The following TENM2 variants were observed in gnomAD, a reference collection of about 807,000 sequenced individuals.
TENM2 encodes the protein teneurin-2.
In TENM2, 52 loss-of-function variants were observed where a neutral mutation model predicts 245.2. The observed-to-expected ratio is 0.21, with a 90% confidence interval of 0.17 to 0.27. The LOEUF is 0.27. Ranked by LOEUF, TENM2 falls within the 10% of genes least tolerant of loss-of-function variation. TENM2 has a pLI of 1.00. For synonymous variants in TENM2, 1,363 were observed against 1,438.9 expected (o/e 0.95, Z 1.19); for missense variants, 3,046 against 3,666.8 (o/e 0.83, Z 4.37).
In TENM2 at chr5:167,805,697, A is replaced by G. The variant is rs532384044; in HGVS notation, c.503-70289A>G. On this transcript the variant is annotated intron_variant, in intron 2 of 28. Coordinates refer to ENST00000518659, the Ensembl canonical transcript of TENM2. ...TTCGCTTAGCTCTGAGCAAATGGCT[A>G]TGAATTCCCTTGAAGTTTTGTGTTC... Among the ~76,000 whole-genome samples, 17 of 152,146 alleles carry G rather than the reference A, an allele frequency of 1.1e-4. 1 individual carries two copies. The highest frequency in any genetic ancestry group is 2.4e-4 in the Non-Finnish European group (16 of 68,008).
chr5:168,057,967 G>A (rs538408957), intron 6 of TENM2, among the ~76,000 whole-genome samples: 6 of 152,172 alleles, frequency 3.9e-5, no homozygotes, highest in Non-Finnish European at 7.4e-5. Flanking sequence ...TGCGAGCCTG[G>A]TTGCAAGCTG....
intron 1 of TENM2, among the ~76,000 whole-genome samples, chr5:167,325,602 A>G (rs1757031770): frequency 6.6e-6 from 1 of 152,260 alleles, no homozygotes; most frequent in Non-Finnish European, 1.5e-5. Context: ...CTTCCAGGTT[A>G]GAATTTAGAA....
chr5:168,248,860 C>T (rs1467462353), intron 27 of TENM2, among the ~76,000 whole-genome samples: 2 of 152,152 alleles, frequency 1.3e-5, no homozygotes, highest in African/African-American at 2.4e-5. Context: ...ATGCCACCCA[C>T]GTAATCCCAG....
In TENM2 at chr5:168,198,871, T is replaced by A; in HGVS notation, c.2919T>A (p.Asn973Lys). The A allele has an allele frequency of 2.5e-6, 4 of 1,613,842 alleles. No homozygotes were observed. The highest frequency in any genetic ancestry group is 2.5e-6 in the Non-Finnish European group (3 of 1,179,778). Residue 973 changes from asparagine (N) to lysine (K), a missense_variant, in exon 16 of 29, where the codon AAT (asparagine) becomes AAA (lysine). Physicochemically the swap from Asn to Lys is moderately conservative, Grantham distance 94. Coordinates refer to ENST00000518659, the Ensembl canonical transcript of TENM2. ...TCTCCAGGTTCGACCTGATCGCAAA[T>A]GGAGGTGCTTCCTTGACTCTACACT...
At chr5:168,142,104 C>T (rs532221988) in intron 12 of TENM2, among the ~76,000 whole-genome samples, 16 of 152,322 alleles carry the variant, frequency 1.1e-4, no homozygotes, top group African/African-American at 3.6e-4. Flanking sequence ...CATTCAAGCC[C>T]ACCAGGCTGA....
At chr5:167,146,197 T>A in the TENM2 span, among the ~76,000 whole-genome samples, 1 of 152,152 alleles carries the variant, frequency 6.6e-6, no homozygotes, top group Non-Finnish European at 1.5e-5. Context: ...ATGGGCTAAC[T>A]TGTCTTGTTA....
chr5:168,200,167 A>G (rs1166877498), intron 17 of TENM2, 36 bp downstream of exon 19: 1 of 1,585,892 alleles, frequency 6.3e-7, no homozygotes, highest in Non-Finnish European at 8.6e-7. Context: ...TGATCAATGG[A>G]TTTAGTCATG....
intron 2 of TENM2, among the ~76,000 whole-genome samples, chr5:167,432,241 A>G (rs1411361803): frequency 1.3e-5 from 2 of 151,666 alleles, no homozygotes; most frequent in African/African-American, 2.4e-5. Flanking sequence ...TTAAATCTGA[A>G]TTACCAGCAT....
chr5:167,090,180 A>G, the TENM2 span, among the ~76,000 whole-genome samples: 7 of 152,112 alleles, frequency 4.6e-5, no homozygotes, highest in Non-Finnish European at 7.4e-5. Flanking sequence ...TTCTTTAAAA[A>G]TTGGAGCTAC....
intron 2 of TENM2, among the ~76,000 whole-genome samples, chr5:167,864,734 G>C (rs952709046): frequency 1.3e-5 from 2 of 152,152 alleles, no homozygotes; most frequent in African/African-American, 4.8e-5. Flanking sequence ...CCCCTCTGCA[G>C]TTCACTTTCT....
At chr5:168,205,630 G>T (rs1430894969) in intron 19 of TENM2, among the ~76,000 whole-genome samples, 1 of 152,076 alleles carries the variant, frequency 6.6e-6, no homozygotes, top group Non-Finnish European at 1.5e-5. Context: ...AAGAGAAGTT[G>T]TTCAAAAGCC....
chr5:168,228,380 C>T (rs1375403219), intron 25 of TENM2, among the ~76,000 whole-genome samples: 1 of 152,218 alleles, frequency 6.6e-6, no homozygotes, highest in Non-Finnish European at 1.5e-5. Context: ...TTCTCCATTT[C>T]CATTTCCTAG....
intron 25 of TENM2, among the ~76,000 whole-genome samples, chr5:168,232,583 T>TCC: frequency 6.6e-6 from 1 of 152,264 alleles, no homozygotes; most frequent in Non-Finnish European, 1.5e-5. Context: ...AGCCTGAACG[T>TCC]CCCCGGGACT....
chr5:167,891,827 GT>G (rs1191942214), intron 3 of TENM2, among the ~76,000 whole-genome samples: 1 of 152,124 alleles, frequency 6.6e-6, no homozygotes, highest in Admixed American at 6.6e-5. Context: ...CTGGCATTCT[GT>G]TTGACACTGA....
chr5:167,135,812 C>A, the TENM2 span, among the ~76,000 whole-genome samples: 11 of 152,084 alleles, frequency 7.2e-5, no homozygotes, highest in Admixed American at 7.2e-4. Context: ...AAAATAGTGG[C>A]GTCTATTTTG....
intron 2 of TENM2, among the ~76,000 whole-genome samples, chr5:167,553,410 G>T (rs1773079867): frequency 6.6e-6 from 1 of 152,150 alleles, no homozygotes; most frequent in Non-Finnish European, 1.5e-5. Flanking sequence ...GGCCAACTAT[G>T]AATGTATAAA....
chr5:167,430,690 A>G (rs1432882505), intron 2 of TENM2, among the ~76,000 whole-genome samples: 1 of 152,158 alleles, frequency 6.6e-6, no homozygotes, highest in African/African-American at 2.4e-5. Flanking sequence ...ATCCCAAAAC[A>G]GGTTTGGGCT....
At chr5:167,372,871 A>G (rs1260975834) in intron 1 of TENM2, among the ~76,000 whole-genome samples, 2 of 152,242 alleles carry the variant, frequency 1.3e-5, no homozygotes, top group Admixed American at 6.5e-5. Context: ...CTTCATTTTC[A>G]TAGACTACTG....
intron 1 of TENM2, among the ~76,000 whole-genome samples, chr5:167,357,186 C>T (rs560514059): frequency 1.3e-5 from 2 of 152,226 alleles, no homozygotes; most frequent in Admixed American, 1.3e-4. Context: ...TAATTGATTA[C>T]TGTGGATTCA....
Sources: gnomAD v4.1 joint callset for allele counts (sites outside exome capture counted in the v4.1 genomes callset) on GRCh38, gnomAD v4.1.1 for gene constraint, MANE v1.5 for transcripts, NCBI Gene and HGNC (gene_info 2026-07-23, HGNC 2026-07-21) for gene names.